Variants in PSMG2 observed in about 807,000 individuals in gnomAD.
The protein encoded by PSMG2 is CD40 ligand-activated specific transcript 3.
In PSMG2, 21 loss-of-function variants were observed where a neutral mutation model predicts 31.5. The observed-to-expected ratio is 0.67, with a 90% CI of 0.47 to 0.96. The LOEUF (loss-of-function observed/expected upper bound fraction) is 0.96, where lower values mean the gene tolerates loss of function less well. PSMG2 is among the 40% of genes least tolerant of loss of function. PSMG2 has a pLI of 0.00. For missense variants in PSMG2, 318 were observed against 321.2 expected (o/e 0.99, Z 0.08); for synonymous variants, 120 against 110.4 (o/e 1.09, Z -0.54).
chr18:12,691,969 T>G (rs149387354), intron 1 of PSMG2, among the ~76,000 whole-genome samples: 2 of 152,088 alleles, frequency 1.3e-5, no homozygotes, highest in African/African-American at 4.8e-5. Flanking sequence ...TCCGCCCGCC[T>G]TGGCCTCCCA....
chr18:12,681,461 G>A (rs761193348), intron 1 of PSMG2, among the ~76,000 whole-genome samples: 14 of 151,764 alleles, frequency 9.2e-5, no homozygotes, highest in Non-Finnish European at 2.1e-4. Context: ...TGTTACCCAG[G>A]CTGCTCTTGA....
rs746768764 is a variant in PSMG2 at position 12,703,076 on chromosome 18, G to C, written c.-32G>C. Reference sequence around the variant, plus strand: ...CTGCCCTCGTTCTTGCCAGGGCCGCGGTTAGTCCCTGCTGGCCACCCCACT... The same window carrying C: ...CTGCCCTCGTTCTTGCCAGGGCCGCCGTTAGTCCCTGCTGGCCACCCCACT... On this transcript the variant is annotated 5_prime_UTR_variant, in exon 1 of 7. Coordinates refer to ENST00000317615, the MANE Select transcript of PSMG2 (RefSeq NM_020232.5). The C allele has an allele frequency of 5.6e-6, 9 of 1,607,562 alleles. No individual in the cohort carries two copies. The highest frequency in any genetic ancestry group is 6.8e-6 in the Non-Finnish European group (8 of 1,177,438).
At chr18:12,725,362 A>C in intron 6 of PSMG2, 77 bp from the exon 7 acceptor site, 1 of 1,162,242 alleles carries the variant, frequency 8.6e-7, no homozygotes, top group Non-Finnish European at 1.2e-6. Flanking sequence ...ACACAAAAGG[A>C]GAGTTTTATA....
At chr18:12,724,826 TTTCCAAA>T (rs1423180496) in intron 6 of PSMG2, 11 of 488,592 alleles carry the variant, frequency 2.3e-5, no homozygotes, top group Non-Finnish European at 3.6e-5. Context: ...TAAAGCTGAC[TTTCCAAA>T]AAGGAAAATC....
chr18:12,671,562 A>G (rs1239119178), intron 1 of PSMG2, among the ~76,000 whole-genome samples: 3 of 151,478 alleles, frequency 2.0e-5, no homozygotes, highest in African/African-American at 7.3e-5. Flanking sequence ...TACTCTTTTT[A>G]AAGTTTACTT....
chr18:12,674,485 G>T, intron 1 of PSMG2: 20 of 1,294,016 alleles, frequency 1.5e-5, no homozygotes, highest in Non-Finnish European at 2.0e-5. Flanking sequence ...CTGCCGGACT[G>T]ATCTGTAAGA....
intron 2 of PSMG2, among the ~76,000 whole-genome samples, chr18:12,708,939 T>G (rs2040298809): frequency 6.6e-6 from 1 of 151,936 alleles, no homozygotes. Context: ...CTCAAACTCC[T>G]GATCTCAGAT....
intron 1 of PSMG2, among the ~76,000 whole-genome samples, chr18:12,694,268 G>C (rs1175013091): frequency 6.6e-6 from 1 of 152,158 alleles, no homozygotes; most frequent in Non-Finnish European, 1.5e-5. Flanking sequence ...TTTGCCTGAG[G>C]GAGAAGCACT....
chr18:12,660,166 C>T (rs747421871), intron 1 of PSMG2, among the ~76,000 whole-genome samples: 1 of 152,114 alleles, frequency 6.6e-6, no homozygotes, highest in South Asian at 2.1e-4. Context: ...ATCTATGAGC[C>T]ATTAACCTGC....
intron 3 of PSMG2, 84 bp downstream of exon 3, chr18:12,712,844 C>T (rs2040344046): frequency 2.8e-6 from 3 of 1,079,568 alleles, no homozygotes; most frequent in Non-Finnish European, 2.8e-6. Flanking sequence ...TCAAAAATTA[C>T]TACTGTTTTT....
intron 1 of PSMG2, chr18:12,697,281 T>A (rs370980507): frequency 2.1e-5 from 34 of 1,613,918 alleles, no homozygotes; most frequent in Non-Finnish European, 2.8e-5. Context: ...CCAAAACCGA[T>A]CGCCATTCCA....
At chr18:12,705,545 AAG>A (rs142910283) in intron 1 of PSMG2, among the ~76,000 whole-genome samples, 8,844 of 137,534 alleles carry the variant, frequency 0.064, 267 homozygotes, top group Non-Finnish European at 0.072. Context: ...TCATGGGAAA[AAG>A]AGAGAGAGAG....
At chr18:12,662,945 C>T (rs2038727295) in intron 1 of PSMG2, among the ~76,000 whole-genome samples, 1 of 152,024 alleles carries the variant, frequency 6.6e-6, no homozygotes, top group South Asian at 2.1e-4. Flanking sequence ...ATTTTTAAAC[C>T]ATTATAAATG....
In PSMG2 at chr18:12,683,186, C is replaced by CAAAAAAAAA. The variant is rs765652085; in HGVS notation, c.-36-23354_-36-23346dup. ...GAAACCCCATCTCTACTAAAAATAC[C>CAAAAAAAAA]AAAAAAAAAAAAAAAAAAGCCAGGC... is the stretch of plus-strand genomic sequence containing the variant. On this transcript the variant is annotated intron_variant, in intron 1 of 6. Transcript: ENST00000585331. 5.5e-4 allele frequency among the ~76,000 whole-genome samples: 35 copies of CAAAAAAAAA among 63,650 alleles called. 2 individuals are homozygous for CAAAAAAAAA. Among genetic ancestry groups the CAAAAAAAAA allele is most frequent in the African/African-American group, 1.7e-3 (29 of 16,982 alleles). 41.8% of individuals were successfully genotyped at this position (63,650 alleles called of 152,430 possible).
chr18:12,702,678 C>G, upstream of PSMG2: 2 of 1,041,098 alleles, frequency 1.9e-6, no homozygotes, highest in Non-Finnish European at 2.7e-6. Flanking sequence ...TAGCGCAGCT[C>G]CCGGGGGACG....
In PSMG2 at chr18:12,706,530, C is replaced by A; in HGVS notation, c.58-20C>A. 2 of 1,611,862 alleles carry A rather than the reference C, an allele frequency of 1.2e-6. No homozygotes were observed. Among genetic ancestry groups the A allele is most frequent in the Non-Finnish European group, 1.7e-6 (2 of 1,179,270 alleles). On this transcript the variant is annotated intron_variant, in intron 1 of 6. Transcript: ENST00000317615. ...CTGCTAATTTTGGTGACTTACTGAACATATCTTTTATAATTTCAGCCAGCA... is the reference window on the plus strand; with the variant it reads ...CTGCTAATTTTGGTGACTTACTGAAAATATCTTTTATAATTTCAGCCAGCA...
chr18:12,677,853 G>A (rs527721935), intron 1 of PSMG2, among the ~76,000 whole-genome samples: 2 of 152,030 alleles, frequency 1.3e-5, no homozygotes, highest in Non-Finnish European at 2.9e-5. Context: ...TGACTCTAAG[G>A]GATGTGAACA....
intron 2 of PSMG2, among the ~76,000 whole-genome samples, chr18:12,710,852 C>T (rs1380793106): frequency 1.3e-5 from 2 of 152,160 alleles, no homozygotes; most frequent in African/African-American, 2.4e-5. Flanking sequence ...GTAATCCTAG[C>T]GCTTTGGGAG....
At chr18:12,712,941 A>G (rs2145141384) in intron 3 of PSMG2, among the ~76,000 whole-genome samples, 181 bp downstream of exon 3, 1 of 152,342 alleles carries the variant, frequency 6.6e-6, no homozygotes, top group Non-Finnish European at 1.5e-5. Context: ...GATTATATAG[A>G]AAGGAAGCAG....
Sources: allele counts gnomAD v4.1 joint callset (sites outside exome capture counted in the v4.1 genomes callset), GRCh38; gene constraint gnomAD v4.1.1; transcripts MANE v1.5; gene names NCBI Gene and HGNC (gene_info 2026-07-23, HGNC 2026-07-21).